The following RRP12 variants were observed in gnomAD, a reference collection of about 807,000 sequenced individuals.
RRP12 encodes RRP12-like protein.
RRP12 carries 78 observed loss-of-function variants against 157.3 expected under a neutral mutation model. The ratio of observed to expected loss-of-function variants is 0.50; its 90% CI spans 0.41 to 0.60. RRP12 has a LOEUF of 0.60. Among genes scored for constraint, RRP12 ranks in the 20% least tolerant of loss-of-function variants. RRP12 has a pLI of 0.00. For missense variants in RRP12, 1,521 were observed against 1,679.9 expected (o/e 0.91, Z 1.65); for synonymous variants, 726 against 670.9 (o/e 1.08, Z -1.27).
At position 97,379,372 on chromosome 10, in the gene RRP12, G is replaced by A. The variant is rs369210999; in HGVS notation, c.1719C>T (p.Ile573=). ...GTCGCGTTTCCTGAACATGGTCTCG[G>A]ATGACAGGCAGCAGCCAGCTCCGTG... ...DFPRSWLLPV[I]RDHVQETRLG... is the part of the protein sequence containing the mutation. The change falls in exon 15 of 34, where the codon ATC becomes ATT. Residue 573 remains isoleucine, a synonymous_variant. Coordinates refer to ENST00000370992, the MANE Select transcript of RRP12 (RefSeq NM_015179.4). 10 of 1,614,146 alleles carry A rather than the reference G, an allele frequency of 6.2e-6. 1 individual carries two copies. In the Middle Eastern group the frequency reaches 6.6e-4, roughly 107 times the overall value.
chr10:97,387,319 CTTTT>C (rs1359386294), intron 8 of RRP12, among the ~76,000 whole-genome samples: 1 of 149,774 alleles, frequency 6.7e-6, no homozygotes, highest in Non-Finnish European at 1.5e-5. Context: ...TTTTTCTTTC[CTTTT>C]TTTTCTTTTT....
rs371661504 is a variant in RRP12 at position 97,396,310 on chromosome 10, G to A, written c.370-9C>T. On this transcript the variant is annotated splice_polypyrimidine_tract_variant and intron_variant, in intron 2 of 33. Coordinates refer to ENST00000370992, the MANE Select transcript of RRP12 (RefSeq NM_015179.4). ...GCCAGAACAGCACAGATCTGCACAGGAGGGAGAAAGCACTGTGACTATTTT... is the reference window on the plus strand; with the variant it reads ...GCCAGAACAGCACAGATCTGCACAGAAGGGAGAAAGCACTGTGACTATTTT... 35 of 1,610,902 alleles carry A rather than the reference G, an allele frequency of 2.2e-5. No homozygotes were observed. The highest frequency in any genetic ancestry group is 1.3e-4 in the East Asian group (6 of 44,876).
At position 97,357,091 on chromosome 10, in the gene RRP12, G is replaced by C. The variant is rs201546585; in HGVS notation, c.*3C>G. On this transcript the variant is annotated 3_prime_UTR_variant, in exon 34 of 34. Coordinates refer to ENST00000370992, the MANE Select transcript of RRP12 (RefSeq NM_015179.4). ...CCACAGGGCAGCCCAGGGGCCCTGGGCCTCAGGGTCGACGATCCTTTCTGC... is the reference window on the plus strand; with the variant it reads ...CCACAGGGCAGCCCAGGGGCCCTGGCCCTCAGGGTCGACGATCCTTTCTGC... 12 of 1,599,546 alleles carry C rather than the reference G, an allele frequency of 7.5e-6. No individual in the cohort carries two copies. The highest frequency in any genetic ancestry group is 1.0e-5 in the Non-Finnish European group (12 of 1,167,362).
Position 97,400,532 on chromosome 10 carries a change from T to C in RRP12, c.142A>G (p.Arg48Gly). The C allele has an allele frequency of 1.9e-6, 3 of 1,612,446 alleles. No homozygotes were observed. The highest frequency in any genetic ancestry group is 2.5e-6 in the Non-Finnish European group (3 of 1,178,946). ...RSRFFSRPSG[R>G]SDLTVDAVKL... ...ACAGCATCGACTGTCAGGTCACTCC[T>C]TCCTGAGAGCCAGAGGCACAAGATA... The change falls in exon 2 of 34, where the codon AGG (arginine) becomes GGG (glycine). Residue 48 changes from arginine (R) to glycine (G), a missense_variant and splice_region_variant. Arg to Gly is a moderately radical substitution (Grantham distance 125). Coordinates refer to ENST00000370992, the MANE Select transcript of RRP12 (RefSeq NM_015179.4).
chr10:97,400,324 T>A lies in RRP12; in HGVS notation c.350A>T (p.Asn117Ile), dbSNP rs201596788. 2 of 1,613,888 alleles carry A rather than the reference T, an allele frequency of 1.2e-6. No individual in the cohort carries two copies. Among genetic ancestry groups the A allele is most frequent in the Non-Finnish European group, 1.7e-6 (2 of 1,179,954 alleles). The change falls in exon 2 of 34, where the codon AAC becomes ATC. Residue 117 changes from asparagine to isoleucine, a missense_variant. Asn to Ile is a moderately radical substitution (Grantham distance 149). Transcript: ENST00000370992. ...CCCTACCTCCTTGTGGGCAGCCGAG[T>A]TGGACTCCCAGAAGCGCTGTACTTT... is the stretch of plus-strand genomic sequence containing the variant. ...FSKVQRFWES[N>I]SAAHKEICAV... is the part of the protein sequence containing the mutation.
At chr10:97,365,279 T>G (rs1234343529) in intron 29 of RRP12, among the ~76,000 whole-genome samples, 30 of 149,472 alleles carry the variant, frequency 2.0e-4, no homozygotes, top group African/African-American at 2.7e-4. Flanking sequence ...GGTGTTTTTT[T>G]TTTTTTTTTT....
chr10:97,365,281 T>G lies in RRP12; in HGVS notation c.3517+827A>C, dbSNP rs192165383. 9.5e-3 allele frequency among the ~76,000 whole-genome samples: 1,427 copies of G among 149,762 alleles called. 17 individuals carry two copies. Among genetic ancestry groups the G allele is most frequent in the South Asian group, 0.03 (141 of 4,684 alleles). ...TCTTGAAGACCTAGGTGTTTTTTTT[T>G]TTTTTTTTTTGAGACAGAGTTTCGC... On this transcript the variant is annotated intron_variant, in intron 29 of 33. Transcript: ENST00000370992.
Position 97,381,543 on chromosome 10 carries a change from C to G in RRP12, c.1321-60G>C, listed in dbSNP as rs541189611. 7 of 1,365,672 alleles carry G rather than the reference C, an allele frequency of 5.1e-6. No homozygotes were observed. The Admixed American group carries it at 1.5e-4, about 30-fold the overall frequency. The allele number at this position is 1,365,672 out of a possible 1,614,324, so 84.6% of individuals were successfully genotyped here. On this transcript the variant is annotated intron_variant, in intron 11 of 33. Coordinates refer to ENST00000370992, the MANE Select transcript of RRP12 (RefSeq NM_015179.4). Reference sequence around the variant, plus strand: ...GGCAGCCCCCCAGGACCACTCTCCCCTCCCAGGCAACAGTTTCCTGGGAGT... The same window carrying G: ...GGCAGCCCCCCAGGACCACTCTCCCGTCCCAGGCAACAGTTTCCTGGGAGT...
chr10:97,392,164 G>T (rs546036421), intron 4 of RRP12, among the ~76,000 whole-genome samples: 1 of 152,014 alleles, frequency 6.6e-6, no homozygotes, highest in Non-Finnish European at 1.5e-5. Context: ...TAGAGACAAG[G>T]TTTTGCCATG....
chr10:97,392,598 C>T (rs1844839445), intron 4 of RRP12, among the ~76,000 whole-genome samples: 1 of 152,184 alleles, frequency 6.6e-6, no homozygotes. Context: ...ATCCTCCTGC[C>T]TCAGCCTCCA....
In RRP12 at chr10:97,366,723, G is replaced by A. The variant is rs181545438; in HGVS notation, c.3215+19C>T. 5.5e-4 allele frequency: 892 copies of A among 1,607,642 alleles called. No homozygotes were observed. The highest frequency in any genetic ancestry group is 6.8e-4 in the Non-Finnish European group (799 of 1,175,496). On this transcript the variant is annotated intron_variant, in intron 27 of 33. Coordinates refer to ENST00000370992, the MANE Select transcript of RRP12 (RefSeq NM_015179.4). ...GGGTTGGGGGGACACCGGGTCCCAT[G>A]GCCCTAACATGGTCTCACCTGTCAC...
rs533479494 is a variant in RRP12, at chr10:97,370,495, C to T, written c.2649G>A (p.Glu883=). 2.0e-5 allele frequency: 33 copies of T among 1,610,996 alleles called. No homozygotes were observed. The East Asian group carries it at 5.3e-4, about 26-fold the overall frequency. Residue 883 remains glutamate, a synonymous_variant, in exon 23 of 34, where the codon GAG becomes GAA. Coordinates refer to ENST00000370992, the MANE Select transcript of RRP12 (RefSeq NM_015179.4). ...CAAACCTTAGGAAAGCATGGCCCAT[C>T]TCCACGAGCAGTGCAAAAGCGTTCT... ...ARKNAFALLV[E]MGHAFLRFGS... is the part of the protein sequence containing the mutation.
At chr10:97,366,046 C>G (rs1843966687) in intron 29 of RRP12, 62 bp downstream of exon 29, 1 of 1,597,512 alleles carries the variant, frequency 6.3e-7, no homozygotes, top group Non-Finnish European at 8.5e-7. Context: ...GCTTCCTCAG[C>G]AAGTGATCAC....
intron 15 of RRP12, among the ~76,000 whole-genome samples, chr10:97,375,398 C>G (rs899848511): frequency 6.6e-6 from 1 of 152,136 alleles, no homozygotes; most frequent in African/African-American, 2.4e-5. Context: ...GCTGCTGCAT[C>G]TGGCCAAAAG....
At chr10:97,375,469 C>T (rs1844279800) in intron 15 of RRP12, among the ~76,000 whole-genome samples, 1 of 152,064 alleles carries the variant, frequency 6.6e-6, no homozygotes, top group Non-Finnish European at 1.5e-5. Context: ...AGATGTGTTA[C>T]AGTTTTTGCC....
chr10:97,389,953 T>A (rs1199936873), intron 6 of RRP12, among the ~76,000 whole-genome samples: 1 of 152,072 alleles, frequency 6.6e-6, no homozygotes, highest in African/African-American at 2.4e-5. Context: ...CCTCAAATGA[T>A]CCTCCCACTT....
At chr10:97,386,076 G>A (rs1469630763) in intron 8 of RRP12, 83 bp from the exon 9 acceptor site, 2 of 850,944 alleles carry the variant, frequency 2.4e-6, no homozygotes, top group Non-Finnish European at 3.9e-6. Context: ...TGTGTGCTAG[G>A]GAGTTGAGGG....
chr10:97,383,595 C>A (rs956559569), intron 10 of RRP12, among the ~76,000 whole-genome samples: 10 of 152,244 alleles, frequency 6.6e-5, no homozygotes, highest in African/African-American at 1.9e-4. Flanking sequence ...CCATGCAGGT[C>A]ACCAACTGGT....
Position 97,388,262 on chromosome 10 carries a change from A to G in RRP12, c.1007T>C (p.Leu336Ser). The G allele has an allele frequency of 6.2e-7, 1 of 1,614,052 alleles. No individual in the cohort carries two copies. Among genetic ancestry groups the G allele is most frequent in the Non-Finnish European group, 8.5e-7 (1 of 1,180,020 alleles). The change falls in exon 8 of 34, where the codon TTG becomes TCG. Residue 336 changes from leucine (L) to serine (S), a missense_variant. By Grantham distance (145) the Leu-to-Ser change is moderately radical (BLOSUM62 -2). Coordinates refer to ENST00000370992, the MANE Select transcript of RRP12 (RefSeq NM_015179.4). ...TGGGCCTGAGCTCACCACATGGCTC[A>G]AGGTCATGACCCTGAGGAGAGTCTC... The part of the protein sequence containing the change: ...CSETLLRVMT[L>S]SHVLVTACAM...
Sources: gnomAD v4.1 joint callset for allele counts (sites outside exome capture counted in the v4.1 genomes callset) on GRCh38, gnomAD v4.1.1 for gene constraint, MANE v1.5 for transcripts, NCBI Gene and HGNC (gene_info 2026-07-23, HGNC 2026-07-21) for gene names.